Variants in SLC12A2 observed in about 807,000 individuals in gnomAD.
SLC12A2 encodes the protein solute carrier family 12 member 2, also known as Na-K-2Cl cotransporter 1.
In SLC12A2, 67 loss-of-function variants were observed where a neutral mutation model predicts 136.3. The observed-to-expected ratio is 0.49, with a 90% confidence interval of 0.40 to 0.60. SLC12A2 has a LOEUF of 0.60. SLC12A2 is among the 20% of genes least tolerant of loss of function. The pLI is 0.00. For missense variants in SLC12A2, 1,322 were observed against 1,534.7 expected (o/e 0.86, Z 2.32); for synonymous variants, 619 against 562.9 (o/e 1.10, Z -1.41).
intron 14 of SLC12A2, 123 bp downstream of exon 14, chr5:128,151,519 T>A: frequency 1.1e-6 from 1 of 875,818 alleles, no homozygotes; most frequent in Non-Finnish European, 1.7e-6. Flanking sequence ...AGCTACTTTG[T>A]ATAAAACCTA....
chr5:128,147,562 G>C, intron 10 of SLC12A2, 60 bp from the exon 11 acceptor site: 1 of 1,044,032 alleles, frequency 9.6e-7, no homozygotes, highest in Non-Finnish European at 1.5e-6. Flanking sequence ...ACATAATATT[G>C]TGTTATTTTC....
intron 4 of SLC12A2, among the ~76,000 whole-genome samples, chr5:128,122,605 G>A (rs953825907): frequency 6.6e-6 from 1 of 151,998 alleles, no homozygotes; most frequent in Non-Finnish European, 1.5e-5. Context: ...ACAATTTTAT[G>A]TACTCATATC....
At chr5:128,109,680 G>A in intron 1 of SLC12A2, 6 of 1,061,288 alleles carry the variant, frequency 5.7e-6, no homozygotes, top group South Asian at 5.0e-5. Context: ...TCTTCTCCAG[G>A]CGAAAAAGTC....
chr5:128,086,615 A>G (rs550419760), intron 1 of SLC12A2, among the ~76,000 whole-genome samples: 2 of 152,354 alleles, frequency 1.3e-5, no homozygotes, highest in South Asian at 4.1e-4. Context: ...TTTATGCAAC[A>G]GGTACTTTAA....
intron 15 of SLC12A2, among the ~76,000 whole-genome samples, chr5:128,157,070 T>C (rs895188996): frequency 6.6e-6 from 1 of 152,192 alleles, no homozygotes; most frequent in Non-Finnish European, 1.5e-5. Flanking sequence ...AAATTCTAAG[T>C]AAGATGGTAT....
intron 4 of SLC12A2, among the ~76,000 whole-genome samples, chr5:128,127,140 G>C (rs924752802): frequency 1.0e-4 from 1 of 9,598 alleles, no homozygotes; most frequent in African/African-American, 4.7e-4. Context: ...TTTTTTTTTT[G>C]AGATGGGGTC....
In SLC12A2 at chr5:128,178,570, C is replaced by T; in HGVS notation, c.2981C>T (p.Ser994Phe). The T allele has an allele frequency of 6.4e-7, 1 of 1,561,636 alleles. No individual in the cohort carries two copies. The highest frequency in any genetic ancestry group is 1.7e-4 in the Middle Eastern group (1 of 5,722). The change falls in exon 22 of 27, where the codon TCC (serine) becomes TTC (phenylalanine). Residue 994 changes from serine to phenylalanine, a missense_variant. Coordinates refer to ENST00000262461, the MANE Select transcript of SLC12A2 (RefSeq NM_001046.3). ...TATQPLLKKESKGPIVPLNVA... is the reference protein window; with the variant it reads ...TATQPLLKKEFKGPIVPLNVA... ...TATATTTTGCTTAATCCTTTAGAAT[C>T]CAAAGGCCCTATTGTGCCTTTAAAT...
intron 24 of SLC12A2, 26 bp downstream of exon 24, chr5:128,182,967 C>G (rs773344396): frequency 1.4e-6 from 2 of 1,440,696 alleles, no homozygotes; most frequent in African/African-American, 2.8e-5. Flanking sequence ...AATTTCTGAT[C>G]CCTTTATAGA....
At chr5:128,100,432 G>T (rs1760705128) in intron 1 of SLC12A2, among the ~76,000 whole-genome samples, 1 of 152,032 alleles carries the variant, frequency 6.6e-6, no homozygotes, top group Non-Finnish European at 1.5e-5. Flanking sequence ...CTGCACATTG[G>T]AGCATTTTGG....
Position 128,084,546 on chromosome 5 carries a change from C to T in SLC12A2, c.592C>T (p.His198Tyr). Residue 198 changes from histidine (H) to tyrosine (Y), a missense_variant, in exon 1 of 27, where the codon CAC becomes TAC. By Grantham distance (83) the His-to-Tyr change is moderately conservative. Coordinates refer to ENST00000262461, the MANE Select transcript of SLC12A2 (RefSeq NM_001046.3). The surrounding 1 kb of genome is among the most constrained non-coding windows in gnomAD (Gnocchi z 5.6). ...GGGGGSGHHQ[H>Y]YYYDTHTNTY... The stretch of plus-strand genomic sequence containing the variant: ...CGGCGGCGGCAGTGGGCACCACCAG[C>T]ACTACTATTATGATACCCACACCAA... 6.2e-7 allele frequency: 1 copy of T among 1,613,700 alleles called. No individual in the cohort carries two copies. Among genetic ancestry groups the T allele is most frequent in the South Asian group, 1.1e-5 (1 of 91,084 alleles).
Position 128,135,731 on chromosome 5 carries a change from T to C in SLC12A2, c.1331T>C (p.Leu444Pro). The change falls in exon 7 of 27, where the codon CTT (leucine) becomes CCT (proline). Residue 444 changes from leucine (L) to proline (P), a missense_variant. Coordinates refer to ENST00000262461, the MANE Select transcript of SLC12A2 (RefSeq NM_001046.3). ...AQIVLLVILL[L>P]AIGDFVIGTF... ...ATTGTTCTTTTGGTGATCCTACTTCTTGCTATTGGTGATTTCGTCATAGGA... is the reference window on the plus strand; with the variant it reads ...ATTGTTCTTTTGGTGATCCTACTTCCTGCTATTGGTGATTTCGTCATAGGA... 1 of 1,612,036 alleles carries C rather than the reference T, an allele frequency of 6.2e-7. No individual in the cohort carries two copies. Among genetic ancestry groups the C allele is most frequent in the Non-Finnish European group, 8.5e-7 (1 of 1,178,438 alleles).
Position 128,188,991 on chromosome 5 carries a change from A to G in SLC12A2, c.*2360A>G, listed in dbSNP as rs983042789. Reference sequence around the variant, plus strand: ...ATTGTGATCTGTACTACAGGAACCAAATGTCATGCGTCATACATGTGGGTA... The same window carrying G: ...ATTGTGATCTGTACTACAGGAACCAGATGTCATGCGTCATACATGTGGGTA... On this transcript the variant is annotated 3_prime_UTR_variant, in exon 27 of 27. Transcript: ENST00000262461. The G allele has an allele frequency of 9.2e-5, 14 of 152,092 alleles. No individual in the cohort carries two copies. The highest frequency in any genetic ancestry group is 3.4e-4 in the African/African-American group (14 of 41,242). 9.4% of individuals were successfully genotyped at this position (152,092 alleles called of 1,614,324 possible).
At chr5:128,101,196 G>T (rs946585528) in intron 1 of SLC12A2, among the ~76,000 whole-genome samples, 1 of 152,220 alleles carries the variant, frequency 6.6e-6, no homozygotes, top group East Asian at 1.9e-4. Context: ...GCACGGATAG[G>T]AAATGTTGGT....
intron 11 of SLC12A2, 43 bp from the exon 12 acceptor site, chr5:128,148,711 G>A (rs1762606678): frequency 6.7e-7 from 1 of 1,503,156 alleles, no homozygotes; most frequent in African/African-American, 1.4e-5. Context: ...AAATCTGCAT[G>A]TCTAATTTTA....
intron 1 of SLC12A2, among the ~76,000 whole-genome samples, chr5:128,087,762 C>T (rs939323996): frequency 2.0e-5 from 3 of 152,052 alleles, no homozygotes; most frequent in South Asian, 4.1e-4. Context: ...CAAGTGATTA[C>T]TGTGGTCTGG....
In SLC12A2 at chr5:128,109,864, A is replaced by C. The variant is rs562033068; in HGVS notation, c.757-2950A>C. On this transcript the variant is annotated intron_variant, in intron 1 of 26. Transcript: ENST00000262461. ...ATGTGGCCAAATCCCCATGTATTTT[A>C]AAAGAGCCAGTGTGCCATGAGAATT... is the stretch of plus-strand genomic sequence containing the variant. The C allele has an allele frequency of 6.5e-5, 51 of 788,952 alleles. No individual in the cohort carries two copies. In the African/African-American group the frequency reaches 6.6e-4, roughly 10 times the overall value. 48.9% of individuals were successfully genotyped at this position (788,952 alleles called of 1,614,324 possible).
At chr5:128,086,347 A>G (rs574933586) in intron 1 of SLC12A2, among the ~76,000 whole-genome samples, 1 of 152,336 alleles carries the variant, frequency 6.6e-6, no homozygotes, top group East Asian at 1.9e-4. Flanking sequence ...AAGTATCTAA[A>G]AAACAACACC....
chr5:128,116,062 C>T (rs1414909039), intron 4 of SLC12A2, among the ~76,000 whole-genome samples: 1 of 152,136 alleles, frequency 6.6e-6, no homozygotes, highest in Non-Finnish European at 1.5e-5. Flanking sequence ...TTTGGCTTCT[C>T]GTGAACTGGG....
At chr5:128,092,520 A>C (rs1426317283) in intron 1 of SLC12A2, among the ~76,000 whole-genome samples, 1 of 152,214 alleles carries the variant, frequency 6.6e-6, no homozygotes. Flanking sequence ...TATGAACTAC[A>C]TATGTCATTT....
Sources: allele counts gnomAD v4.1 joint callset (sites outside exome capture counted in the v4.1 genomes callset), GRCh38; gene constraint gnomAD v4.1.1; non-coding constraint Gnocchi (gnomAD v3.1); transcripts MANE v1.5; gene names NCBI Gene and HGNC (gene_info 2026-07-23, HGNC 2026-07-21).